AACS: variants seen among roughly 807,000 people sequenced by gnomAD.
AACS encodes the protein acetoacetyl-CoA synthetase.
A neutral mutation model predicts 83.1 loss-of-function variants in AACS; 69 were observed. The observed-to-expected ratio is 0.83, with a 90% CI of 0.68 to 1.01. AACS has a LOEUF of 1.01. AACS is among the 50% of genes least tolerant of loss of function. AACS has a pLI of 0.00. For synonymous variants in AACS, 333 were observed against 343.4 expected (o/e 0.97, Z 0.33); for missense variants, 866 against 882.2 (o/e 0.98, Z 0.23).
chr12:125,071,196 T>A (rs910166841), intron 1 of AACS, among the ~76,000 whole-genome samples: 1 of 152,152 alleles, frequency 6.6e-6, no homozygotes, highest in Non-Finnish European at 1.5e-5. Flanking sequence ...TGCGTGAGCA[T>A]CCTCACTGGC....
intron 10 of AACS, chr12:125,123,664 C>T (rs1219532168): frequency 6.6e-6 from 1 of 152,242 alleles, no homozygotes; most frequent in Admixed American, 6.5e-5. Flanking sequence ...CTATGACGGT[C>T]TTCCGTGGGA....
intron 7 of AACS, 27 bp from the exon 8 acceptor site, chr12:125,107,094 C>T (rs373315611): frequency 5.8e-5 from 93 of 1,613,594 alleles, no homozygotes; most frequent in African/African-American, 9.3e-5. Context: ...ACGTTCATGG[C>T]GTGTTTCCCT....
intron 3 of AACS, among the ~76,000 whole-genome samples, chr12:125,078,992 G>A (rs536378067): frequency 7.2e-5 from 11 of 152,302 alleles, no homozygotes; most frequent in Non-Finnish European, 1.3e-4. Context: ...GGGGTGGGGT[G>A]TAGGGCTGTT....
chr12:125,078,001 T>C lies in AACS; in HGVS notation c.358+1390T>C, dbSNP rs1956072320. 3 of 393,026 alleles carry C rather than the reference T, an allele frequency of 7.6e-6. No individual in the cohort carries two copies. In the East Asian group the frequency reaches 2.2e-4, roughly 28 times the overall value. The allele number at this position is 393,026 out of a possible 1,614,324, so 24.3% of individuals were successfully genotyped here. A position where few individuals can be genotyped will look rare whatever the true frequency, so the allele number is the denominator to read the frequency against. On this transcript the variant is annotated intron_variant, in intron 3 of 17. Coordinates refer to ENST00000316519, the MANE Select transcript of AACS (RefSeq NM_023928.5). ...CTGGGATTACAGGCGTGAGCCACCATGCCCGGCCCCAGTTGGCAATTTTTA... is the reference window on the plus strand; with the variant it reads ...CTGGGATTACAGGCGTGAGCCACCACGCCCGGCCCCAGTTGGCAATTTTTA...
intron 3 of AACS, among the ~76,000 whole-genome samples, chr12:125,081,240 C>T (rs931692256): frequency 2.0e-5 from 3 of 152,134 alleles, no homozygotes; most frequent in Non-Finnish European, 2.9e-5. Context: ...GTGATCCACC[C>T]GCCTCAGCCT....
Position 125,113,893 on chromosome 12 carries a change from T to G in AACS, c.916-584T>G, listed in dbSNP as rs1450353844. On this transcript the variant is annotated intron_variant, in intron 8 of 17. Coordinates refer to ENST00000316519, the MANE Select transcript of AACS (RefSeq NM_023928.5). This position sits in a 1 kb window ranked among gnomAD's most constrained non-coding sequence, Gnocchi z 4.8. ...ACCAAAATTAAAAGGTAATAGGGCA[T>G]AGTGGGTGGGAGGGAGCGGTTCTGC... Among the ~76,000 whole-genome samples, 8 of 152,018 alleles carry G rather than the reference T, an allele frequency of 5.3e-5. No homozygotes were observed. Among genetic ancestry groups the G allele is most frequent in the Admixed American group, 5.2e-4 (8 of 15,270 alleles).
At chr12:125,098,103 C>G (rs865919982) in intron 5 of AACS, among the ~76,000 whole-genome samples, 30 of 152,042 alleles carry the variant, frequency 2.0e-4, no homozygotes, top group African/African-American at 7.0e-4. Context: ...GGATCCGAAC[C>G]AGTGTTTGTT....
intron 1 of AACS, among the ~76,000 whole-genome samples, chr12:125,067,595 G>T (rs761598231): frequency 1.8e-4 from 28 of 151,734 alleles, no homozygotes; most frequent in Admixed American, 1.1e-3. Flanking sequence ...GTGCGACGGC[G>T]CAATCTCGGC....
intron 1 of AACS, among the ~76,000 whole-genome samples, chr12:125,072,923 T>G (rs1488751238): frequency 9.9e-6 from 1 of 101,442 alleles, no homozygotes; most frequent in Admixed American, 1.0e-4. Context: ...ACTTTTGTTT[T>G]TTTTTTTTTT....
At chr12:125,117,667 A>AC (rs1957078755) in intron 9 of AACS, 1 of 152,190 alleles carries the variant, frequency 6.6e-6, no homozygotes, top group African/African-American at 2.4e-5. Flanking sequence ...AAGAAATTGA[A>AC]CGAGTACATT....
intron 5 of AACS, chr12:125,092,575 A>C (rs568859028): frequency 2.6e-5 from 4 of 152,462 alleles, no homozygotes; most frequent in African/African-American, 9.6e-5. Context: ...TGGGCTGATG[A>C]TGGAGCCCTG....
At chr12:125,095,957 G>A (rs1956597004) in intron 5 of AACS, among the ~76,000 whole-genome samples, 1 of 152,144 alleles carries the variant, frequency 6.6e-6, no homozygotes, top group Non-Finnish European at 1.5e-5. Context: ...GTTAGGGAGT[G>A]GATACTATTG....
At chr12:125,142,038 G>A in intron 17 of AACS, 54 bp from the exon 18 acceptor site, 1 of 1,607,952 alleles carries the variant, frequency 6.2e-7, no homozygotes, top group South Asian at 1.1e-5. Flanking sequence ...CAGGGCTGCG[G>A]ATTTTCCCCC....
chr12:125,127,869 T>A (rs1277375848), intron 12 of AACS: 3 of 242,454 alleles, frequency 1.2e-5, no homozygotes, highest in Non-Finnish European at 2.4e-5. Context: ...TTTTCTGCGA[T>A]CCTGAGTCTT....
chr12:125,080,106 T>A (rs764418728), intron 3 of AACS, among the ~76,000 whole-genome samples: 1 of 152,240 alleles, frequency 6.6e-6, no homozygotes, highest in Non-Finnish European at 1.5e-5. Context: ...AAGAGGCTCC[T>A]GTGAGACTGG....
Position 125,129,073 on chromosome 12 carries a change from G to GA in AACS, c.1424-261dup. 1 of 345,054 alleles carries GA rather than the reference G, an allele frequency of 2.9e-6. No individual in the cohort carries two copies. Among genetic ancestry groups the GA allele is most frequent in the South Asian group, 4.0e-5 (1 of 25,302 alleles). 21.4% of individuals were successfully genotyped at this position (345,054 alleles called of 1,614,324 possible). On this transcript the variant is annotated intron_variant, in intron 13 of 17. Transcript: ENST00000316519. The surrounding 1 kb of genome is among the most constrained non-coding windows in gnomAD (Gnocchi z 4.3). ...TGCTATTCAAGGATGCGTGTGGATG[G>GA]AGCAGAAATGTTAACACACATGGGA...
intron 7 of AACS, among the ~76,000 whole-genome samples, 167 bp downstream of exon 7, chr12:125,103,248 T>C (rs1309294071): frequency 1.3e-5 from 2 of 152,120 alleles, no homozygotes; most frequent in African/African-American, 4.8e-5. Context: ...GGCCCCAGAG[T>C]GAATCCCCCA....
intron 17 of AACS, 73 bp downstream of exon 17, chr12:125,136,937 A>G: frequency 6.7e-7 from 1 of 1,494,276 alleles, no homozygotes; most frequent in East Asian, 2.3e-5. Context: ...GGGCGCTTAC[A>G]TCTGAGCAGC....
chr12:125,089,252 C>T (rs1956407803), intron 4 of AACS, among the ~76,000 whole-genome samples: 1 of 152,188 alleles, frequency 6.6e-6, no homozygotes, highest in Non-Finnish European at 1.5e-5. Flanking sequence ...TGACCCCTGC[C>T]CCTTGGATGC....
Sources: gnomAD v4.1 joint callset for allele counts (sites outside exome capture counted in the v4.1 genomes callset) on GRCh38, gnomAD v4.1.1 for gene constraint, Gnocchi (gnomAD v3.1) non-coding constraint, MANE v1.5 for transcripts, NCBI Gene and HGNC (gene_info 2026-07-23, HGNC 2026-07-21) for gene names.